The following UBN2 variants were observed in gnomAD, a reference collection of about 807,000 sequenced individuals.
The protein encoded by UBN2 is ubinuclein-2.
A neutral mutation model predicts 120.2 loss-of-function variants in UBN2; 35 were observed. The observed-to-expected ratio is 0.29, with a 90% CI of 0.22 to 0.39. The LOEUF is 0.39. UBN2 is among the 10% of genes least tolerant of loss of function. The pLI is 1.00. For synonymous variants in UBN2, 661 were observed against 648.7 expected (o/e 1.02, Z -0.29); for missense variants, 1,693 against 1,663.2 (o/e 1.02, Z -0.31).
chr7:139,274,474 G>A (rs994725124), intron 11 of UBN2, among the ~76,000 whole-genome samples: 1 of 152,092 alleles, frequency 6.6e-6, no homozygotes, highest in African/African-American at 2.4e-5. Flanking sequence ...AAAATAGTCA[G>A]TGTAGAGGCC....
chr7:139,307,227 T>C lies in UBN2; in HGVS notation c.*9391T>C, dbSNP rs1355605769. ...TAGGTGAAAGACAAGAATTACTGTA[T>C]TGCATTTGCTTATAGGGAGGTGTGT... On this transcript the variant is annotated 3_prime_UTR_variant, in exon 18 of 18. Coordinates refer to ENST00000473989, the MANE Select transcript of UBN2 (RefSeq NM_173569.4). 1 of 152,240 alleles carries C rather than the reference T, an allele frequency of 6.6e-6. No individual in the cohort carries two copies. Among genetic ancestry groups the C allele is most frequent in the Non-Finnish European group, 1.5e-5 (1 of 68,046 alleles). 9.4% of individuals were successfully genotyped at this position (152,240 alleles called of 1,614,324 possible).
intron 2 of UBN2, among the ~76,000 whole-genome samples, chr7:139,246,249 C>G (rs2130948017): frequency 6.6e-6 from 1 of 152,224 alleles, no homozygotes; most frequent in Admixed American, 6.5e-5. Context: ...CCTGCAGTCC[C>G]AGCTACTCGG....
intron 3 of UBN2, among the ~76,000 whole-genome samples, chr7:139,252,434 G>A (rs924604740): frequency 6.6e-6 from 1 of 152,150 alleles, no homozygotes; most frequent in Non-Finnish European, 1.5e-5. Flanking sequence ...AATTAGCATG[G>A]CTGCGTTACA....
At chr7:139,255,520 A>G (rs956549725) in intron 3 of UBN2, among the ~76,000 whole-genome samples, 4 of 152,230 alleles carry the variant, frequency 2.6e-5, no homozygotes, top group Non-Finnish European at 1.5e-5. Flanking sequence ...TAGTCATACA[A>G]CTAGTTTCTG....
In UBN2 at chr7:139,231,621, C is replaced by T. The variant is rs1338199331; in HGVS notation, c.137C>T (p.Pro46Leu). 3.1e-6 allele frequency: 4 copies of T among 1,280,494 alleles called. No individual in the cohort carries two copies. The highest frequency in any genetic ancestry group is 3.0e-6 in the Non-Finnish European group (3 of 1,012,976). The allele number at this position is 1,280,494 out of a possible 1,614,324, so 79.3% of individuals were successfully genotyped here. Residue 46 changes from proline (P) to leucine (L), a missense_variant, in exon 1 of 18, where the codon CCG (proline) becomes CTG (leucine). This residue lies in a region of UBN2 where 663 missense variants were observed against 591.2 expected (regional missense o/e 1.12). Coordinates refer to ENST00000473989, the MANE Select transcript of UBN2 (RefSeq NM_173569.4). ...CTGGAGCCGCAGCCGTACCGCGAGC[C>T]GGCCCGGGCGGAGCCGCCGGCCCCG... is the stretch of plus-strand genomic sequence containing the variant. ...PRLEPQPYRE[P>L]ARAEPPAPRE...
downstream of UBN2, among the ~76,000 whole-genome samples, chr7:139,312,153 T>G (rs574747446): frequency 6.6e-6 from 1 of 152,314 alleles, no homozygotes; most frequent in East Asian, 1.9e-4. Flanking sequence ...ATCCATGAAG[T>G]TTCTCCTCTT....
Position 139,283,298 on chromosome 7 carries a change from G to A in UBN2, c.2393G>A (p.Arg798His), listed in dbSNP as rs775884079. The A allele has an allele frequency of 1.5e-5, 24 of 1,613,704 alleles. No individual in the cohort carries two copies. The highest frequency in any genetic ancestry group is 1.2e-4 in the Admixed American group (7 of 59,934). ...ATAAGCATGCCAACCACAAAGCCTCGTCCAGGACTGAGAGAAGAAAAATTA... is the reference window on the plus strand; with the variant it reads ...ATAAGCATGCCAACCACAAAGCCTCATCCAGGACTGAGAGAAGAAAAATTA... ...SRISMPTTKP[R>H]PGLREEKLAS... Residue 798 changes from arginine to histidine, a missense_variant, in exon 15 of 18, where the codon CGT (arginine) becomes CAT (histidine). By Grantham distance (29) the Arg-to-His change is conservative. Around this residue, in one of 5 missense-constraint regions of UBN2, gnomAD observed 837 missense variants for 817.6 expected, o/e 1.02. Transcript: ENST00000473989.
chr7:139,279,691 A>G (rs1459816174), intron 13 of UBN2, among the ~76,000 whole-genome samples: 2 of 152,246 alleles, frequency 1.3e-5, no homozygotes, highest in East Asian at 1.9e-4. Context: ...AGGAGCTGAC[A>G]GTGTTAATCT....
chr7:139,310,341 A>G (rs1798431335), downstream of UBN2, among the ~76,000 whole-genome samples: 1 of 151,948 alleles, frequency 6.6e-6, no homozygotes, highest in East Asian at 1.9e-4. Context: ...TGGTAGGGGA[A>G]AAAAGTACAA....
chr7:139,291,792 T>G (rs1026706093), intron 15 of UBN2, among the ~76,000 whole-genome samples: 3 of 151,028 alleles, frequency 2.0e-5, no homozygotes, highest in African/African-American at 7.3e-5. Flanking sequence ...AGTTTGAGTC[T>G]GCCATGAGCT....
At chr7:139,291,512 G>A (rs932309199) in intron 15 of UBN2, among the ~76,000 whole-genome samples, 9 of 152,030 alleles carry the variant, frequency 5.9e-5, no homozygotes, top group African/African-American at 2.2e-4. Flanking sequence ...ATATGATAAT[G>A]AGAAAATTTG....
chr7:139,258,891 C>T (rs954708447), intron 4 of UBN2, among the ~76,000 whole-genome samples: 2 of 151,986 alleles, frequency 1.3e-5, no homozygotes, highest in Non-Finnish European at 2.9e-5. Flanking sequence ...TTATATTTCT[C>T]GGATAGGTTA....
chr7:139,231,547 G>A lies in UBN2; in HGVS notation c.63G>A (p.Glu21=), dbSNP rs114144182. ...CACCGGTGCGGCGGCGCGAGGCCGA[G>A]TACCCGGGGCCCGAGCGTGAGCCCG... is the stretch of plus-strand genomic sequence containing the variant. ...SLSPVRRREA[E]YPGPEREPEY... is the part of the protein sequence containing the mutation. The change falls in exon 1 of 18, where the codon GAG becomes GAA. Residue 21 remains glutamate, a synonymous_variant. Coordinates refer to ENST00000473989, the MANE Select transcript of UBN2 (RefSeq NM_173569.4). 2,455 of 1,425,156 alleles carry A rather than the reference G, an allele frequency of 1.7e-3. 48 individuals are homozygous for A. The African/African-American group carries it at 0.033, about 19-fold the overall frequency. 88.3% of individuals were successfully genotyped at this position (1,425,156 alleles called of 1,614,324 possible).
chr7:139,292,338 T>C (rs929977277), intron 15 of UBN2, among the ~76,000 whole-genome samples: 4 of 152,236 alleles, frequency 2.6e-5, no homozygotes, highest in Non-Finnish European at 5.9e-5. Context: ...ATATTTCTTA[T>C]TTATTTTTTT....
At chr7:139,296,304 G>A (rs920970011) in intron 17 of UBN2, among the ~76,000 whole-genome samples, 5 of 152,166 alleles carry the variant, frequency 3.3e-5, no homozygotes, top group African/African-American at 1.2e-4. Context: ...CCATTGTAGT[G>A]AAAAACAGCC....
intron 15 of UBN2, among the ~76,000 whole-genome samples, chr7:139,288,818 A>G (rs1240814229): frequency 2.6e-5 from 4 of 152,042 alleles, no homozygotes; most frequent in Non-Finnish European, 5.9e-5. Context: ...CCTGGCCAAC[A>G]TGGTGAAACC....
At chr7:139,235,946 TCTTC>T (rs1386276754) in intron 1 of UBN2, among the ~76,000 whole-genome samples, 1 of 152,124 alleles carries the variant, frequency 6.6e-6, no homozygotes, top group Non-Finnish European at 1.5e-5. Flanking sequence ...AGTGTGCACA[TCTTC>T]CTTCTGCATT....
intron 2 of UBN2, among the ~76,000 whole-genome samples, chr7:139,239,692 G>T (rs2130933315): frequency 6.6e-6 from 1 of 151,622 alleles, no homozygotes; most frequent in South Asian, 2.1e-4. Context: ...CAAGTAGCTG[G>T]GACTGCAGGC....
rs913461679 is a variant in UBN2, at chr7:139,307,623, G to A, written c.*9787G>A. 6.6e-6 allele frequency: 1 copy of A among 152,178 alleles called. No homozygotes were observed. Among genetic ancestry groups the A allele is most frequent in the Non-Finnish European group, 1.5e-5 (1 of 68,066 alleles). The allele number at this position is 152,178 out of a possible 1,614,324, so 9.4% of individuals were successfully genotyped here. ...TAATTTCCAGCTCAAATCGGAGCAG[G>A]AATATGGACAAACTGCTGCTACTGA... On this transcript the variant is annotated 3_prime_UTR_variant, in exon 18 of 18. Transcript: ENST00000473989.
Sources: allele counts gnomAD v4.1 joint callset (sites outside exome capture counted in the v4.1 genomes callset), GRCh38; gene constraint gnomAD v4.1.1; regional missense constraint gnomAD v4.1.1; transcripts MANE v1.5; gene names NCBI Gene and HGNC (gene_info 2026-07-23, HGNC 2026-07-21).